Variants in GPM6B observed in about 807,000 individuals in gnomAD.
GPM6B encodes neuronal membrane glycoprotein M6-b.
In GPM6B, 4 loss-of-function variants were observed where a neutral mutation model predicts 27.2. The observed-to-expected ratio is 0.15, with a 90% confidence interval of 0.07 to 0.34. The LOEUF (loss-of-function observed/expected upper bound fraction) is 0.34, where lower values mean the gene tolerates loss of function less well. Ranked by LOEUF, GPM6B falls within the 10% of genes least tolerant of loss-of-function variation. The pLI is 1.00. For synonymous variants in GPM6B, 124 were observed against 103.1 expected (o/e 1.20, Z -1.23); for missense variants, 183 against 261.9 (o/e 0.70, Z 2.08).
In GPM6B at chrX:13,779,810, G is replaced by T. The variant is rs777534327; in HGVS notation, c.697+8C>A. 1.7e-6 allele frequency: 2 copies of T among 1,149,964 alleles called. No individual in the cohort carries two copies. Among genetic ancestry groups the T allele is most frequent in the Admixed American group, 4.5e-5 (2 of 44,238 alleles). The allele number at this position is 1,149,964 out of a possible 1,213,427, so 94.8% of individuals were successfully genotyped here. A position where few individuals can be genotyped will look rare whatever the true frequency, so the allele number is the denominator to read the frequency against. ...TAACTGGGGGAGGGGTGAATTAGAAGGAAGTACCGTATTGTCGGATATCCA... is the reference window on the plus strand; with the variant it reads ...TAACTGGGGGAGGGGTGAATTAGAATGAAGTACCGTATTGTCGGATATCCA... On this transcript the variant is annotated splice_region_variant and intron_variant, in intron 5 of 7. Transcript: ENST00000316715.
At chrX:13,926,654 G>C (rs1418837086) in intron 1 of GPM6B, among the ~76,000 whole-genome samples, 1 of 111,921 alleles carries the variant, frequency 8.9e-6, no homozygotes, top group East Asian at 2.8e-4. Flanking sequence ...ATATTATCGG[G>C]AGGAAAGAGT....
At chrX:13,869,921 A>G (rs1002938954) in intron 1 of GPM6B, among the ~76,000 whole-genome samples, 90 of 112,397 alleles carry the variant, frequency 8.0e-4, no homozygotes, top group African/African-American at 2.8e-3. Flanking sequence ...GATACAATTC[A>G]GAATCTTGTG....
intron 5 of GPM6B, among the ~76,000 whole-genome samples, chrX:13,778,622 T>A (rs1347348836): frequency 8.9e-6 from 1 of 112,117 alleles, no homozygotes; most frequent in Non-Finnish European, 1.9e-5. Context: ...TTCAGAAGCA[T>A]GGGAAATTAC....
rs5901522 is a variant in GPM6B, at chrX:13,886,719, T to TAAAAAAAAAAAAAAAAAAAAAAAA, written c.-198+51607_-198+51608insTTTTTTTTTTTTTTTTTTTTTTTT. 4.6e-4 allele frequency among the ~76,000 whole-genome samples: 16 copies of TAAAAAAAAAAAAAAAAAAAAAAAA among 35,099 alleles called. 4 individuals are homozygous for TAAAAAAAAAAAAAAAAAAAAAAAA. Among genetic ancestry groups the TAAAAAAAAAAAAAAAAAAAAAAAA allele is most frequent in the African/African-American group, 2.3e-3 (12 of 5,147 alleles). The allele number at this position is 35,099 out of a possible 115,157, so 30.5% of individuals were successfully genotyped here. A position where few individuals can be genotyped will look rare whatever the true frequency, so the allele number is the denominator to read the frequency against. ...ACCTCTCTCTACCTTAAGTCACTACTAAAAAAAAAAAAAAAAAAAAAAATC... is the reference window on the plus strand; with the variant it reads ...ACCTCTCTCTACCTTAAGTCACTACTAAAAAAAAAAAAAAAAAAAAAAAAAAAAAAAAAAAAAAAAAAAAAAATC... On this transcript the variant is annotated intron_variant, in intron 1 of 6. Coordinates refer to the GPM6B transcript ENST00000398361.
Position 13,846,963 on chromosome X carries a change from T to C in GPM6B, c.-197-61155A>G, listed in dbSNP as rs112747599. ...GAGGGTGAGTGCTTTCTATCAACCA[T>C]ACCAGTGAAACTACTACTAATGGAC... On this transcript the variant is annotated intron_variant, in intron 1 of 6. Coordinates refer to the GPM6B transcript ENST00000398361. Among the ~76,000 whole-genome samples the C allele has an allele frequency of 5.5e-3, 611 of 110,188 alleles. 6 individuals are homozygous for C. Among genetic ancestry groups the C allele is most frequent in the African/African-American group, 0.019 (571 of 30,217 alleles).
At chrX:13,820,138 G>A (rs763263927), upstream of GPM6B, among the ~76,000 whole-genome samples, 168 of 111,594 alleles carry the variant, frequency 1.5e-3, no homozygotes, top group Non-Finnish European at 2.8e-3. Context: ...CTTTACAAAG[G>A]TCATTCTATT....
chrX:13,858,280 C>T (rs774626273), intron 1 of GPM6B, among the ~76,000 whole-genome samples: 1 of 111,913 alleles, frequency 8.9e-6, no homozygotes, highest in African/African-American at 3.2e-5. Context: ...TCTCCAGCCA[C>T]CTCTGGATCT....
chrX:13,872,166 T>G (rs1301380120), intron 1 of GPM6B, among the ~76,000 whole-genome samples: 2 of 24,048 alleles, frequency 8.3e-5, no homozygotes, highest in East Asian at 9.4e-4. Context: ...GACATCACTT[T>G]TTTTTTTTTT....
At chrX:13,873,898 T>C (rs2050005411) in intron 1 of GPM6B, among the ~76,000 whole-genome samples, 1 of 112,150 alleles carries the variant, frequency 8.9e-6, no homozygotes, top group Admixed American at 9.5e-5. Context: ...AAGTTCCTGT[T>C]TCATTAAGCT....
exon 1 of GPM6B, chrX:13,938,334 T>A (rs1303356905): frequency 3.7e-6 from 1 of 273,578 alleles, no homozygotes; most frequent in Non-Finnish European, 6.4e-6. Context: ...CACCTGGGCG[T>A]TCCGGACACC....
chrX:13,845,366 A>C (rs1345944662), intron 1 of GPM6B, among the ~76,000 whole-genome samples: 1 of 111,583 alleles, frequency 9.0e-6, no homozygotes, highest in South Asian at 3.7e-4. Context: ...CTTGGGATAA[A>C]TTTGCCAATT....
At chrX:13,778,050 G>A (rs754555123) in intron 5 of GPM6B, among the ~76,000 whole-genome samples, 168 of 76,469 alleles carry the variant, frequency 2.2e-3, no homozygotes, top group Non-Finnish European at 3.7e-3. Context: ...AATCAAATTG[G>A]TTTGTTTTTT....
chrX:13,898,937 C>T (rs1282207047), intron 1 of GPM6B, among the ~76,000 whole-genome samples: 4 of 111,588 alleles, frequency 3.6e-5, no homozygotes, highest in Middle Eastern at 4.7e-3. Flanking sequence ...ATTTTAAAAG[C>T]GGATCTACAT....
chrX:13,846,790 C>CTTTTTTTT (rs10656571), intron 1 of GPM6B, among the ~76,000 whole-genome samples: 1 of 85,412 alleles, frequency 1.2e-5, no homozygotes, highest in African/African-American at 4.6e-5. Context: ...ACTGCGCCAG[C>CTTTTTTTT]TTTTTTTTTT....
intron 7 of GPM6B, chrX:13,774,300 G>T: frequency 1.1e-6 from 1 of 920,257 alleles, no homozygotes; most frequent in South Asian, 4.5e-5. Flanking sequence ...TTTTAAAAAG[G>T]ATGCTCACCA....
At chrX:13,824,133 G>C (rs1344197360) in intron 1 of GPM6B, among the ~76,000 whole-genome samples, 1 of 111,977 alleles carries the variant, frequency 8.9e-6, no homozygotes, top group Non-Finnish European at 1.9e-5. Flanking sequence ...GGGCATTGTG[G>C]ATGTGTAACA....
chrX:13,845,775 A>C (rs1028224371), intron 1 of GPM6B, among the ~76,000 whole-genome samples: 2 of 112,102 alleles, frequency 1.8e-5, no homozygotes, highest in African/African-American at 6.5e-5. Context: ...AAGACCAAGG[A>C]CAGCCAGCAA....
At chrX:13,838,216 C>A (rs2049529533) in intron 1 of GPM6B, among the ~76,000 whole-genome samples, 1 of 111,331 alleles carries the variant, frequency 9.0e-6, no homozygotes, top group African/African-American at 3.3e-5. Flanking sequence ...GTACCTTTCT[C>A]AAAGGCTGTC....
intron 1 of GPM6B, among the ~76,000 whole-genome samples, chrX:13,875,156 A>G (rs963124034): frequency 8.9e-6 from 1 of 111,889 alleles, no homozygotes; most frequent in African/African-American, 3.3e-5. Flanking sequence ...CTTTGAGCAC[A>G]GAGAACGAGT....
Sources: gnomAD v4.1 joint callset for allele counts (sites outside exome capture counted in the v4.1 genomes callset) on GRCh38, gnomAD v4.1.1 for gene constraint, MANE v1.5 for transcripts, NCBI Gene and HGNC (gene_info 2026-07-23, HGNC 2026-07-21) for gene names.